DYRK4: variants seen among roughly 807,000 people sequenced by gnomAD.
DYRK4 encodes the protein dual specificity tyrosine phosphorylation regulated kinase 4.
A neutral mutation model predicts 68.3 loss-of-function variants in DYRK4; 64 were observed. The ratio of observed to expected loss-of-function variants is 0.94; its 90% confidence interval spans 0.77 to 1.15. The LOEUF is 1.15. Ranked by LOEUF, DYRK4 falls within the 50% of genes most tolerant of loss-of-function variation. The probability of loss-of-function intolerance (pLI) is 0.00; values close to 1 mark genes in which losing one functional copy is unlikely to be tolerated. For missense variants in DYRK4, 740 were observed against 764.7 expected (o/e 0.97, Z 0.38); for synonymous variants, 274 against 289.9 (o/e 0.95, Z 0.56).
intron 2 of DYRK4, among the ~76,000 whole-genome samples, chr12:4,585,011 C>G (rs1388498628): frequency 1.3e-5 from 2 of 152,140 alleles, no homozygotes; most frequent in Non-Finnish European, 2.9e-5. Context: ...CACAAGACGG[C>G]AGAGGAGGGG....
Position 4,613,817 on chromosome 12 carries a change from T to C in DYRK4, c.*64T>C. On this transcript the variant is annotated 3_prime_UTR_variant, in exon 15 of 15. Coordinates refer to ENST00000543431, the MANE Select transcript of DYRK4 (RefSeq NM_001394779.1). This position sits in a 1 kb window ranked among gnomAD's most constrained non-coding sequence, Gnocchi z 4.0. The stretch of plus-strand genomic sequence containing the variant: ...ATTTGTATTAAGACAGCACTTATAT[T>C]GTACAATACTTCAGACTGTTTTTTT... The C allele has an allele frequency of 7.1e-7, 1 of 1,405,360 alleles. No individual in the cohort carries two copies. Among genetic ancestry groups the C allele is most frequent in the South Asian group, 2.1e-5 (1 of 47,490 alleles). 87.1% of individuals were successfully genotyped at this position (1,405,360 alleles called of 1,614,324 possible).
intron 11 of DYRK4, among the ~76,000 whole-genome samples, chr12:4,605,583 C>G (rs1945135750): frequency 6.6e-6 from 1 of 152,000 alleles, no homozygotes. Flanking sequence ...TTAAAAATTT[C>G]CTGATACCGT....
intron 9 of DYRK4, 97 bp downstream of exon 9, chr12:4,599,263 C>A: frequency 3.1e-6 from 3 of 971,880 alleles, no homozygotes; most frequent in Non-Finnish European, 4.3e-6. Context: ...CAAATAATTG[C>A]CTTTGACTTT....
At chr12:4,577,654 T>G (rs546174974) in intron 2 of DYRK4, among the ~76,000 whole-genome samples, 1 of 152,350 alleles carries the variant, frequency 6.6e-6, no homozygotes, top group South Asian at 2.1e-4. Flanking sequence ...AGTTTGTTGA[T>G]GTCCATAAAA....
chr12:4,595,976 C>T (rs1945013058), intron 6 of DYRK4, among the ~76,000 whole-genome samples, 173 bp from the exon 7 acceptor site: 2 of 152,208 alleles, frequency 1.3e-5, no homozygotes, highest in Admixed American at 6.5e-5. Context: ...AGGCAACAAG[C>T]TCCTCATCAT....
intron 2 of DYRK4, among the ~76,000 whole-genome samples, chr12:4,582,392 C>T (rs140429808): frequency 0.01 from 1,590 of 152,088 alleles, 25 homozygotes; most frequent in African/African-American, 0.035. Context: ...TGCGGTGAGC[C>T]GAGATGGCGC....
intron 2 of DYRK4, among the ~76,000 whole-genome samples, chr12:4,583,153 C>T (rs1944860950): frequency 6.6e-6 from 1 of 152,082 alleles, no homozygotes; most frequent in African/African-American, 2.4e-5. Context: ...AGTCTTGCTC[C>T]ATGACCGAGG....
At chr12:4,572,586 T>C (rs1482079491) in intron 2 of DYRK4, among the ~76,000 whole-genome samples, 3 of 152,196 alleles carry the variant, frequency 2.0e-5, no homozygotes, top group African/African-American at 2.4e-5. Context: ...TGAGCCACCG[T>C]GCCTGGCCTA....
At position 4,588,930 on chromosome 12, in the gene DYRK4, G is replaced by C. The variant is rs909571541; in HGVS notation, c.133-7G>C. 1.3e-6 allele frequency: 2 copies of C among 1,535,912 alleles called. No individual in the cohort carries two copies. Among genetic ancestry groups the C allele is most frequent in the Non-Finnish European group, 1.7e-6 (2 of 1,146,762 alleles). The stretch of plus-strand genomic sequence containing the variant: ...GCATTGTTCCTATTTTCTTCCACTT[G>C]ATCCAGGTTGGAAGTAAACTTTCGG... On this transcript the variant is annotated splice_polypyrimidine_tract_variant and splice_region_variant and intron_variant, in intron 2 of 14. Coordinates refer to ENST00000543431, the MANE Select transcript of DYRK4 (RefSeq NM_001394779.1).
intron 2 of DYRK4, 74 bp downstream of exon 2, chr12:4,568,122 G>T: frequency 7.4e-7 from 1 of 1,360,424 alleles, no homozygotes; most frequent in Non-Finnish European, 1.0e-6. Context: ...ACCCAGTGCT[G>T]ATGGTTGTGC....
chr12:4,604,751 T>G, intron 10 of DYRK4, 163 bp from the exon 11 acceptor site: 1 of 727,374 alleles, frequency 1.4e-6, no homozygotes. Flanking sequence ...TGCTGGCGGA[T>G]TTGATGCTGT....
chr12:4,603,564 C>G (rs1354022894), intron 10 of DYRK4: 1 of 192,416 alleles, frequency 5.2e-6, no homozygotes, highest in Non-Finnish European at 1.1e-5. Context: ...TTTCTAAGCT[C>G]TTCACATCGA....
Position 4,566,780 on chromosome 12 carries a change from CA to C in DYRK4, c.39-1174del, listed in dbSNP as rs556971740. On this transcript the variant is annotated intron_variant, in intron 1 of 14. Transcript: ENST00000543431. ...CTGGTAATTTTTGTTTGCTTTTGTG[CA>C]GGATTTTTTCATATTGTCTGTATGT... 2.0e-3 allele frequency among the ~76,000 whole-genome samples: 300 copies of C among 152,246 alleles called. 2 individuals are homozygous for C. The highest frequency in any genetic ancestry group is 2.0e-3 in the Non-Finnish European group (135 of 68,010).
intron 5 of DYRK4, chr12:4,592,697 C>T (rs984847647): frequency 3.2e-5 from 8 of 247,526 alleles, no homozygotes; most frequent in African/African-American, 1.3e-4. Context: ...ATACTATTGT[C>T]GACACTAATT....
In DYRK4 at chr12:4,572,503, G is replaced by C. The variant is rs191669068; in HGVS notation, c.132+4455G>C. Among the ~76,000 whole-genome samples, 10 of 152,264 alleles carry C rather than the reference G, an allele frequency of 6.6e-5. No homozygotes were observed. The East Asian group carries it at 1.7e-3, about 27-fold the overall frequency. ...GTAGAGACGGAGTTTCACCATGTTA[G>C]CCAGGATGGTCTCGATCTCCTGACC... is the stretch of plus-strand genomic sequence containing the variant. On this transcript the variant is annotated intron_variant, in intron 2 of 14. Coordinates refer to ENST00000543431, the MANE Select transcript of DYRK4 (RefSeq NM_001394779.1).
At chr12:4,599,600 A>T (rs969973892) in intron 9 of DYRK4, 107 bp from the exon 10 acceptor site, 1 of 743,290 alleles carries the variant, frequency 1.3e-6, no homozygotes, top group Non-Finnish European at 2.3e-6. Flanking sequence ...ATGCCCATGG[A>T]GGTGGTCATA....
chr12:4,566,453 G>A (rs568703310), intron 1 of DYRK4, among the ~76,000 whole-genome samples: 1 of 152,312 alleles, frequency 6.6e-6, no homozygotes, highest in East Asian at 1.9e-4. Context: ...TGCCTGCTCT[G>A]CTCATTCTTC....
Position 4,590,408 on chromosome 12 carries a change from A to G in DYRK4, c.292A>G (p.Lys98Glu). The G allele has an allele frequency of 3.3e-6, 5 of 1,536,038 alleles. No homozygotes were observed. Among genetic ancestry groups the G allele is most frequent in the Non-Finnish European group, 2.6e-6 (3 of 1,146,868 alleles). ...GGTAAGCTTCCCACACATTAGCAAG[A>G]AAGTCCTGCTGAAGTCATCCCTGCT... ...NTVSFPHISKKVLLKSSLLYQ... is the reference protein window; with the variant it reads ...NTVSFPHISKEVLLKSSLLYQ... Residue 98 changes from lysine to glutamate, a missense_variant, in exon 4 of 15, where the codon AAA becomes GAA. By Grantham distance (56) the Lys-to-Glu change is moderately conservative. Around this residue, in one of 3 missense-constraint regions of DYRK4, gnomAD observed 56 missense variants for 89.9 expected, o/e 0.62. Coordinates refer to ENST00000543431, the MANE Select transcript of DYRK4 (RefSeq NM_001394779.1).
At chr12:4,584,367 G>A (rs1317064870) in intron 2 of DYRK4, among the ~76,000 whole-genome samples, 2 of 152,164 alleles carry the variant, frequency 1.3e-5, no homozygotes, top group Non-Finnish European at 2.9e-5. Context: ...TCCGGCTTGC[G>A]GAAGCAGGAG....
Sources: gnomAD v4.1 joint callset for allele counts (sites outside exome capture counted in the v4.1 genomes callset) on GRCh38, gnomAD v4.1.1 for gene constraint, gnomAD v4.1.1 regional missense constraint, Gnocchi (gnomAD v3.1) non-coding constraint, MANE v1.5 for transcripts, NCBI Gene and HGNC (gene_info 2026-07-23, HGNC 2026-07-21) for gene names.